The following DISP1 variants were observed in gnomAD, a reference collection of about 807,000 sequenced individuals.
DISP1 encodes the protein dispatched RND transporter family member 1, also known as protein dispatched homolog 1.
Under a neutral mutation model 37.3 loss-of-function variants are expected in DISP1, and 30 were observed. The ratio of observed to expected loss-of-function variants is 0.80; its 90% CI spans 0.60 to 1.09. The LOEUF is 1.09. Among genes scored for constraint, DISP1 ranks in the 50% least tolerant of loss-of-function variants. DISP1 has a pLI of 0.00. For missense variants in DISP1, 1,598 were observed against 1,879.5 expected (o/e 0.85, Z 2.77); for synonymous variants, 634 against 690.2 (o/e 0.92, Z 1.28).
At chr1:222,956,332 A>T (rs1675592547) in intron 3 of DISP1, among the ~76,000 whole-genome samples, 1 of 152,174 alleles carries the variant, frequency 6.6e-6, no homozygotes, top group Admixed American at 6.5e-5. Context: ...AAGGTGACAG[A>T]TCTCAGAGCA....
chr1:222,990,889 C>A, intron 5 of DISP1, 141 bp downstream of exon 5: 1 of 1,214,344 alleles, frequency 8.2e-7, no homozygotes, highest in Non-Finnish European at 1.2e-6. Context: ...AAAGTAAAGA[C>A]ATGACTTTAT....
intron 1 of DISP1, among the ~76,000 whole-genome samples, chr1:222,901,467 G>A (rs1302388803): frequency 6.6e-6 from 1 of 152,090 alleles, no homozygotes; most frequent in Non-Finnish European, 1.5e-5. Flanking sequence ...TTGGGGACCT[G>A]CAGAAGCTGA....
chr1:222,824,961 AT>A (rs1241244110), intron 1 of DISP1, among the ~76,000 whole-genome samples: 1 of 152,154 alleles, frequency 6.6e-6, no homozygotes, highest in African/African-American at 2.4e-5. Context: ...TGCAAAAAAA[AT>A]TTTTTAGACA....
intron 1 of DISP1, among the ~76,000 whole-genome samples, chr1:222,829,395 G>C (rs972951354): frequency 6.6e-6 from 1 of 150,460 alleles, no homozygotes; most frequent in Non-Finnish European, 1.5e-5. Flanking sequence ...TTCTTAAAAC[G>C]TATCAGTTTT....
intron 1 of DISP1, among the ~76,000 whole-genome samples, chr1:222,856,705 C>CA (rs1668566107): frequency 7.3e-6 from 1 of 136,336 alleles, no homozygotes; most frequent in East Asian, 2.1e-4. Context: ...TATTATAATT[C>CA]GTTTTTTTTT....
Position 222,983,252 on chromosome 1 carries a change from G to A in DISP1, c.539+143G>A. On this transcript the variant is annotated intron_variant, in intron 4 of 8. Coordinates refer to ENST00000675850, the MANE Select transcript of DISP1 (RefSeq NM_001377229.1). ...AGAAAAAGAAATGTCCCATGAGTTG[G>A]CTGCTTGAGGAATTCCATATCTCCA... The A allele has an allele frequency of 6.9e-6, 5 of 720,452 alleles. No individual in the cohort carries two copies. The South Asian group carries it at 8.1e-5, about 12-fold the overall frequency. 44.6% of individuals were successfully genotyped at this position (720,452 alleles called of 1,614,324 possible). A position where few individuals can be genotyped will look rare whatever the true frequency, so the allele number is the denominator to read the frequency against.
chr1:222,978,289 T>C (rs1677550487), intron 3 of DISP1, among the ~76,000 whole-genome samples: 1 of 152,232 alleles, frequency 6.6e-6, no homozygotes, highest in African/African-American at 2.4e-5. Context: ...TGAGCATTTT[T>C]TCATGTGTTT....
intron 3 of DISP1, among the ~76,000 whole-genome samples, chr1:222,957,687 G>T (rs187200015): frequency 1.2e-4 from 18 of 152,280 alleles, no homozygotes; most frequent in African/African-American, 4.3e-4. Flanking sequence ...TGATCGGCTA[G>T]GCCTTGGGAC....
At chr1:222,992,422 G>T (rs1049966509) in intron 7 of DISP1, among the ~76,000 whole-genome samples, 1 of 152,026 alleles carries the variant, frequency 6.6e-6, no homozygotes, top group Non-Finnish European at 1.5e-5. Context: ...AAAATTCCTT[G>T]TACTATTTAT....
chr1:222,846,241 C>T (rs762466977), intron 1 of DISP1, among the ~76,000 whole-genome samples: 1 of 152,140 alleles, frequency 6.6e-6, no homozygotes, highest in African/African-American at 2.4e-5. Context: ...CCTGTAATCC[C>T]AGCACTTTGG....
chr1:222,847,340 T>A (rs923876014), intron 1 of DISP1, among the ~76,000 whole-genome samples: 58 of 152,272 alleles, frequency 3.8e-4, no homozygotes, highest in Admixed American at 1.8e-3. Flanking sequence ...GTCCTGGTTA[T>A]TTTTAGTGGA....
chr1:222,854,977 C>T (rs1668472224), intron 1 of DISP1, among the ~76,000 whole-genome samples: 1 of 152,092 alleles, frequency 6.6e-6, no homozygotes, highest in Admixed American at 6.6e-5. Flanking sequence ...TGGGGCTCCT[C>T]AGAGGAACCT....
chr1:222,950,259 T>G (rs1675110339), intron 3 of DISP1, among the ~76,000 whole-genome samples: 1 of 151,934 alleles, frequency 6.6e-6, no homozygotes, highest in African/African-American at 2.4e-5. Context: ...GGAGGAAAGT[T>G]GTGAAGGGAA....
intron 3 of DISP1, among the ~76,000 whole-genome samples, chr1:222,947,277 T>TG (rs1487531043): frequency 6.6e-6 from 1 of 152,204 alleles, no homozygotes; most frequent in African/African-American, 2.4e-5. Flanking sequence ...GCCTTTTTTT[T>TG]GTCTGGCTTA....
intron 1 of DISP1, among the ~76,000 whole-genome samples, chr1:222,896,816 T>C (rs1671288011): frequency 6.6e-6 from 1 of 152,118 alleles, no homozygotes; most frequent in Admixed American, 6.5e-5. Context: ...TCATCATTAG[T>C]CATCAGGGAA....
intron 3 of DISP1, among the ~76,000 whole-genome samples, chr1:222,980,106 C>A (rs987753592): frequency 6.6e-5 from 10 of 152,272 alleles, no homozygotes; most frequent in African/African-American, 2.2e-4. Context: ...ATCCAGGATA[C>A]TCAAAAGTAT....
intron 1 of DISP1, among the ~76,000 whole-genome samples, chr1:222,816,906 G>A (rs183771713): frequency 7.2e-5 from 11 of 152,268 alleles, no homozygotes; most frequent in Admixed American, 5.9e-4. Flanking sequence ...TATCTGATAA[G>A]ACTTGATTTT....
At chr1:222,859,028 A>G (rs1215740924) in intron 1 of DISP1, among the ~76,000 whole-genome samples, 1 of 152,244 alleles carries the variant, frequency 6.6e-6, no homozygotes, top group Non-Finnish European at 1.5e-5. Flanking sequence ...AGTTACATGC[A>G]CACATATGTT....
At chr1:222,952,868 A>T (rs1041945938) in intron 3 of DISP1, among the ~76,000 whole-genome samples, 6 of 152,092 alleles carry the variant, frequency 3.9e-5, no homozygotes, top group Non-Finnish European at 7.4e-5. Context: ...AAACAAACAA[A>T]CAAAAAATCT....
Sources: gnomAD v4.1 joint callset for allele counts (sites outside exome capture counted in the v4.1 genomes callset) on GRCh38, gnomAD v4.1.1 for gene constraint, MANE v1.5 for transcripts, NCBI Gene and HGNC (gene_info 2026-07-23, HGNC 2026-07-21) for gene names.